ZNF462: variants seen among roughly 807,000 people sequenced by gnomAD.
The protein encoded by ZNF462 is zinc finger PBX1-interacting protein.
In ZNF462, 10 loss-of-function variants were observed where a neutral mutation model predicts 201.9. The observed-to-expected ratio is 0.05, with a 90% CI of 0.03 to 0.08. ZNF462 has a LOEUF of 0.08. Ranked by LOEUF, ZNF462 falls within the 10% of genes least tolerant of loss-of-function variation. The pLI is 1.00. For synonymous variants in ZNF462, 1,227 were observed against 1,193.3 expected (o/e 1.03, Z -0.58); for missense variants, 2,523 against 3,168.3 (o/e 0.80, Z 4.89).
intron 7 of ZNF462, among the ~76,000 whole-genome samples, chr9:106,960,800 AAC>A (rs1430996607): frequency 1.3e-5 from 2 of 152,116 alleles, no homozygotes; most frequent in Non-Finnish European, 2.9e-5. Flanking sequence ...AGAAAAAACA[AAC>A]ACACACATTT....
chr9:106,866,196 G>A (rs1587965801), intron 1 of ZNF462, among the ~76,000 whole-genome samples: 2 of 152,348 alleles, frequency 1.3e-5, no homozygotes, highest in East Asian at 3.9e-4. Flanking sequence ...ACATTGGTGA[G>A]CAACTTACAA....
chr9:106,979,026 A>G (rs1827220266), intron 9 of ZNF462: 2 of 209,104 alleles, frequency 9.6e-6, no homozygotes, highest in South Asian at 1.5e-4. Context: ...CATCTCCTTG[A>G]TAATACAATA....
chr9:106,987,787 T>C (rs556106378), intron 10 of ZNF462, among the ~76,000 whole-genome samples: 2 of 152,320 alleles, frequency 1.3e-5, no homozygotes, highest in South Asian at 2.1e-4. Context: ...AGAATTTTTA[T>C]AGTTTCTCCT....
Position 106,893,576 on chromosome 9 carries a change from G to A in ZNF462, c.-30-29778G>A, listed in dbSNP as rs1308144906. 3.9e-5 allele frequency among the ~76,000 whole-genome samples: 6 copies of A among 152,140 alleles called. No homozygotes were observed. The East Asian group carries it at 9.6e-4, about 24-fold the overall frequency. The stretch of plus-strand genomic sequence containing the variant: ...GTTTCCATTTGTCTTAACCGCACTC[G>A]AAGCGATATCTCCTAACTCATCCCC... On this transcript the variant is annotated intron_variant, in intron 1 of 12. Coordinates refer to ENST00000277225, the MANE Select transcript of ZNF462 (RefSeq NM_021224.6).
intron 7 of ZNF462, among the ~76,000 whole-genome samples, chr9:106,969,563 T>C (rs16926018): frequency 0.12 from 18,962 of 152,114 alleles, 1,236 homozygotes; most frequent in African/African-American, 0.14. Flanking sequence ...ATCTGGCTTA[T>C]CATCTGGCTA....
intron 1 of ZNF462, among the ~76,000 whole-genome samples, chr9:106,903,786 C>A (rs1829156625): frequency 6.6e-6 from 1 of 152,078 alleles, no homozygotes; most frequent in African/African-American, 2.4e-5. Flanking sequence ...TGCCTTTTTC[C>A]ACCCCTTTAA....
intron 10 of ZNF462, among the ~76,000 whole-genome samples, chr9:106,988,654 T>G (rs1166844642): frequency 6.6e-6 from 1 of 152,216 alleles, no homozygotes; most frequent in African/African-American, 2.4e-5. Context: ...ACAATGTTGA[T>G]TCTTCCCATC....
rs1332418641 is a variant in ZNF462, at chr9:106,902,626, CTAATTCTTCCTGATT to C, written c.-30-20724_-30-20710del. Among the ~76,000 whole-genome samples, 8 of 151,986 alleles carry C rather than the reference CTAATTCTTCCTGATT, an allele frequency of 5.3e-5. No homozygotes were observed. Among genetic ancestry groups the C allele is most frequent in the Admixed American group, 2.0e-4 (3 of 15,248 alleles). ...CTTGTTATTGGTCTGTTCAGGGTAC[CTAATTCTTCCTGATT>C]TAAGCTGGGAGGGTTGTATTTTTCC... On this transcript the variant is annotated intron_variant, in intron 1 of 12. Coordinates refer to ENST00000277225, the MANE Select transcript of ZNF462 (RefSeq NM_021224.6). This position sits in a 1 kb window ranked among gnomAD's most constrained non-coding sequence, Gnocchi z 4.2.
At chr9:106,941,559 G>T (rs959231409) in intron 7 of ZNF462, among the ~76,000 whole-genome samples, 9 of 152,236 alleles carry the variant, frequency 5.9e-5, no homozygotes, top group Admixed American at 5.9e-4. Flanking sequence ...TGAAAGCTCT[G>T]TGTGGTAACT....
chr9:106,877,626 C>T (rs1042486171), intron 1 of ZNF462, among the ~76,000 whole-genome samples: 2 of 152,060 alleles, frequency 1.3e-5, no homozygotes, highest in African/African-American at 2.4e-5. Flanking sequence ...GTGATCTGCC[C>T]ACCTCGGCCT....
At chr9:107,004,341 T>C (rs914287920) in intron 11 of ZNF462, among the ~76,000 whole-genome samples, 21 of 152,178 alleles carry the variant, frequency 1.4e-4, no homozygotes, top group African/African-American at 5.1e-4. Context: ...GCTGGTCGTT[T>C]TTATATAACA....
intron 7 of ZNF462, among the ~76,000 whole-genome samples, chr9:106,942,771 T>G (rs1165043541): frequency 6.6e-6 from 1 of 152,148 alleles, no homozygotes; most frequent in Non-Finnish European, 1.5e-5. Context: ...TGAGATTTGT[T>G]TTAGGTCTGA....
upstream of ZNF462, among the ~76,000 whole-genome samples, chr9:106,860,310 C>T (rs886202632): frequency 5.3e-5 from 8 of 152,328 alleles, no homozygotes; most frequent in East Asian, 1.4e-3. The surrounding 1 kb of genome is among the most constrained non-coding windows in gnomAD (Gnocchi z 7.1). Flanking sequence ...CGGTCTTTGC[C>T]AAGTGGGTTT....
At chr9:106,918,653 G>C (rs781372770) in intron 1 of ZNF462, among the ~76,000 whole-genome samples, 1 of 152,086 alleles carries the variant, frequency 6.6e-6, no homozygotes, top group Non-Finnish European at 1.5e-5. Context: ...TAAGGTCCTG[G>C]GGCTTGCAAC....
In ZNF462 at chr9:106,970,084, T is replaced by C. The variant is rs1826513110; in HGVS notation, c.6428-1921T>C. 6.6e-6 allele frequency among the ~76,000 whole-genome samples: 1 copy of C among 152,164 alleles called. No homozygotes were observed. The highest frequency in any genetic ancestry group is 2.4e-5 in the African/African-American group (1 of 41,424). On this transcript the variant is annotated intron_variant, in intron 7 of 12. Coordinates refer to ENST00000277225, the MANE Select transcript of ZNF462 (RefSeq NM_021224.6). The surrounding 1 kb of genome is among the most constrained non-coding windows in gnomAD (Gnocchi z 4.2). ...AATGAGAAGAATGAAAAGTTGACAATTGCATTATTGTGATCCAGAGTGGGT... is the reference window on the plus strand; with the variant it reads ...AATGAGAAGAATGAAAAGTTGACAACTGCATTATTGTGATCCAGAGTGGGT...
At chr9:106,941,103 CTCAG>C (rs1485435978) in intron 7 of ZNF462, among the ~76,000 whole-genome samples, 1 of 152,068 alleles carries the variant, frequency 6.6e-6, no homozygotes. Context: ...AAAGGTGGGT[CTCAG>C]TCAGAGGTCA....
At chr9:106,882,617 A>G (rs1210726569) in intron 1 of ZNF462, among the ~76,000 whole-genome samples, 1 of 152,242 alleles carries the variant, frequency 6.6e-6, no homozygotes, top group African/African-American at 2.4e-5. Flanking sequence ...TGTGAGGATG[A>G]CATTTGACTA....
At chr9:106,989,949 G>T (rs1828140469) in intron 10 of ZNF462, among the ~76,000 whole-genome samples, 2 of 151,834 alleles carry the variant, frequency 1.3e-5, no homozygotes, top group African/African-American at 4.8e-5. Context: ...GGTTAATCTT[G>T]CTAATGGTCT....
chr9:106,960,699 C>T (rs755701569), intron 7 of ZNF462, among the ~76,000 whole-genome samples: 1 of 152,102 alleles, frequency 6.6e-6, no homozygotes, highest in South Asian at 2.1e-4. Context: ...CATTTCCCTA[C>T]AAGTTTCCTG....
Sources: allele counts gnomAD v4.1 joint callset (sites outside exome capture counted in the v4.1 genomes callset), GRCh38; gene constraint gnomAD v4.1.1; non-coding constraint Gnocchi (gnomAD v3.1); transcripts MANE v1.5; gene names NCBI Gene and HGNC (gene_info 2026-07-23, HGNC 2026-07-21).